Variants in IL17REL observed in about 807,000 individuals in gnomAD.
IL17REL encodes interleukin 17 receptor E like, also known as interleukin-17 receptor E-like protein.
Under a neutral mutation model 49.0 loss-of-function variants are expected in IL17REL, and 36 were observed. The observed-to-expected ratio is 0.73, with a 90% confidence interval of 0.56 to 0.97. IL17REL has a LOEUF of 0.97. IL17REL is among the 50% of genes least tolerant of loss of function. The pLI, the probability that IL17REL is intolerant of heterozygous loss-of-function variation, is 0.00. For missense variants in IL17REL, 470 were observed against 453.9 expected (o/e 1.04, Z -0.32); for synonymous variants, 206 against 192.4 (o/e 1.07, Z -0.58).
At chr22:50,008,387 G>C (rs1303337687) in intron 1 of IL17REL, among the ~76,000 whole-genome samples, 1 of 152,232 alleles carries the variant, frequency 6.6e-6, no homozygotes, top group Non-Finnish European at 1.5e-5. Context: ...GAGGCATTGT[G>C]CGTTAAGTGG....
rs746254074 is a variant in IL17REL, at chr22:49,999,281, G to T, written c.601+10C>A. On this transcript the variant is annotated intron_variant, in intron 7 of 12. Transcript: ENST00000341280. Reference sequence around the variant, plus strand: ...CACCCTTCCGCCCGTTGGCATCGCAGGACACTTGCCGTTTTCAAAGGGGCA... The same window carrying T: ...CACCCTTCCGCCCGTTGGCATCGCATGACACTTGCCGTTTTCAAAGGGGCA... 42 of 1,612,864 alleles carry T rather than the reference G, an allele frequency of 2.6e-5. No individual in the cohort carries two copies. The highest frequency in any genetic ancestry group is 3.4e-5 in the Non-Finnish European group (40 of 1,180,016).
chr22:50,005,189 C>T (rs867001542), intron 1 of IL17REL, among the ~76,000 whole-genome samples: 1 of 152,030 alleles, frequency 6.6e-6, no homozygotes, highest in Non-Finnish European at 1.5e-5. Context: ...AAAGCAGAAA[C>T]ACACAAGATT....
At chr22:49,997,608 C>T in intron 10 of IL17REL, 77 bp downstream of exon 12, 3 of 1,506,026 alleles carry the variant, frequency 2.0e-6, no homozygotes, top group African/African-American at 1.4e-5. Flanking sequence ...GTTATTCCAC[C>T]TCCCTGACCA....
exon 6 of IL17REL, chr22:49,999,443 G>A: frequency 6.2e-7 from 1 of 1,612,158 alleles, no homozygotes; most frequent in Non-Finnish European, 8.5e-7. Context: ...CCAGGCACAG[G>A]CACGGCAGCT....
upstream of IL17REL, among the ~76,000 whole-genome samples, chr22:50,010,115 C>T (rs1283815411): frequency 6.6e-6 from 1 of 152,266 alleles, no homozygotes; most frequent in Non-Finnish European, 1.5e-5. Context: ...TTGCCGACCA[C>T]CCCAATAACT....
At chr22:50,002,804 A>T (rs2061086704) in intron 1 of IL17REL, among the ~76,000 whole-genome samples, 2 of 152,002 alleles carry the variant, frequency 1.3e-5, no homozygotes, top group Admixed American at 1.3e-4. Context: ...CAGAAATCCA[A>T]CTCTTACAAA....
chr22:50,001,229 T>G, exon 2 of IL17REL: 1 of 1,360,132 alleles, frequency 7.4e-7, no homozygotes, highest in Non-Finnish European at 1.0e-6. Context: ...TTAAAAATGT[T>G]CCCTGGGGAG....
chr22:50,008,282 GC>G (rs1288066941), intron 1 of IL17REL, among the ~76,000 whole-genome samples: 1 of 152,192 alleles, frequency 6.6e-6, no homozygotes, highest in African/African-American at 2.4e-5. Context: ...GTTGTTAAAG[GC>G]CCAGTAGGGA....
chr22:50,000,665 T>C, intron 3 of IL17REL, 73 bp from the exon 5 acceptor site: 2 of 1,544,284 alleles, frequency 1.3e-6, no homozygotes, highest in Non-Finnish European at 1.8e-6. Flanking sequence ...TCCACTTGCA[T>C]GGCTGGAGCT....
chr22:50,000,097 C>T, intron 4 of IL17REL, 99 bp downstream of exon 6: 1 of 1,093,778 alleles, frequency 9.1e-7, no homozygotes, highest in South Asian at 1.9e-5. Flanking sequence ...CGCCCGAGGG[C>T]CCCTCAGGAT....
At chr22:49,998,284 C>G in exon 8 of IL17REL, 2 of 1,609,544 alleles carry the variant, frequency 1.2e-6, no homozygotes, top group Non-Finnish European at 1.7e-6. Context: ...AGACCGTGTC[C>G]CACAGCACCT....
intron 9 of IL17REL, 96 bp downstream of exon 11, chr22:49,997,929 T>C: frequency 6.6e-7 from 1 of 1,522,520 alleles, no homozygotes; most frequent in Non-Finnish European, 9.0e-7. Context: ...GAGGCTAGGC[T>C]CCAGGGCTGG....
At chr22:49,997,008 C>A (rs1432593418) in exon 12 of IL17REL, 1 of 1,534,688 alleles carries the variant, frequency 6.5e-7, no homozygotes, top group African/African-American at 1.4e-5. Flanking sequence ...ATGCAGATGC[C>A]TGGGGCACAG....
At chr22:49,999,242 G>A in intron 7 of IL17REL, 49 bp downstream of exon 9, 1 of 1,604,252 alleles carries the variant, frequency 6.2e-7, no homozygotes, top group Non-Finnish European at 8.5e-7. Context: ...AGTCAGACTG[G>A]CCGCAGCCAT....
upstream of IL17REL, among the ~76,000 whole-genome samples, chr22:50,009,278 C>T (rs2061125784): frequency 6.6e-6 from 1 of 152,040 alleles, no homozygotes; most frequent in South Asian, 2.1e-4. Context: ...GTCCAAGCTG[C>T]ACTCCTGATT....
intron 11 of IL17REL, 46 bp downstream of exon 13, chr22:49,997,274 C>T: frequency 1.3e-6 from 2 of 1,578,670 alleles, no homozygotes; most frequent in Non-Finnish European, 1.7e-6. Context: ...GTCCTGCCGC[C>T]ACCACCCCCA....
At chr22:50,008,898 G>A (rs1319650105), upstream of IL17REL, 2 of 152,308 alleles carry the variant, frequency 1.3e-5, no homozygotes, top group African/African-American at 2.4e-5. Context: ...GTGCGTTTAA[G>A]TGGACACTAG....
chr22:49,997,673 T>A lies in IL17REL; in HGVS notation c.877+12A>T. The stretch of plus-strand genomic sequence containing the variant: ...CTGCGTCCACATTGCGTAGGCCTCA[T>A]GGAGAACTTACTTGGGAAGCGACGC... On this transcript the variant is annotated intron_variant, in intron 10 of 12. Coordinates refer to ENST00000341280, the Ensembl canonical transcript of IL17REL. 6.2e-7 allele frequency: 1 copy of A among 1,612,628 alleles called. No homozygotes were observed. Among genetic ancestry groups the A allele is most frequent in the Non-Finnish European group, 8.5e-7 (1 of 1,178,868 alleles).
chr22:50,000,176 C>A lies in IL17REL; in HGVS notation c.335-209G>T, dbSNP rs138890091. On this transcript the variant is annotated intron_variant, in intron 4 of 12. Transcript: ENST00000341280. ...CAGCGTCTGAGGGTCTTCGCAGGGG[C>A]GTCGAAGGAGGGAACTCACCGAGGC... 2.0e-3 allele frequency among the ~76,000 whole-genome samples: 304 copies of A among 152,328 alleles called. No individual in the cohort carries two copies. The highest frequency in any genetic ancestry group is 7.1e-3 in the African/African-American group (296 of 41,584).
Sources: gnomAD v4.1 joint callset for allele counts (sites outside exome capture counted in the v4.1 genomes callset) on GRCh38, gnomAD v4.1.1 for gene constraint, MANE v1.5 for transcripts, NCBI Gene and HGNC (gene_info 2026-07-23, HGNC 2026-07-21) for gene names.